The following THADA variants were observed in gnomAD, a reference collection of about 807,000 sequenced individuals.
The protein encoded by THADA is tRNA (32-2'-O)-methyltransferase regulator THADA.
THADA carries 213 observed loss-of-function variants against 219.8 expected under a neutral mutation model. That is an observed-to-expected ratio of 0.97 (90% CI 0.87 to 1.09). THADA has a LOEUF of 1.09. Ranked by LOEUF, THADA falls within the 50% of genes least tolerant of loss-of-function variation. THADA has a pLI of 0.00. For synonymous variants in THADA, 1,018 were observed against 828.9 expected (o/e 1.23, Z -3.92); for missense variants, 2,956 against 2,311.3 (o/e 1.28, Z -5.72).
chr2:43,506,828 A>G (rs1272268798), intron 23 of THADA, among the ~76,000 whole-genome samples: 1 of 152,204 alleles, frequency 6.6e-6, no homozygotes, highest in Admixed American at 6.5e-5. Context: ...GGCTCTCAAG[A>G]GTGAAAGTTA....
chr2:43,379,746 G>A (rs1671780843), intron 29 of THADA, among the ~76,000 whole-genome samples: 1 of 152,158 alleles, frequency 6.6e-6, no homozygotes, highest in Non-Finnish European at 1.5e-5. Flanking sequence ...TTACAAATAT[G>A]TATAGTACCT....
At chr2:43,414,351 C>T (rs930862855) in intron 28 of THADA, among the ~76,000 whole-genome samples, 5 of 152,166 alleles carry the variant, frequency 3.3e-5, no homozygotes, top group Non-Finnish European at 7.3e-5. Context: ...GGCCTTGATG[C>T]GTGGATATCT....
At chr2:43,527,271 A>T (rs907117364) in intron 22 of THADA, among the ~76,000 whole-genome samples, 1 of 152,230 alleles carries the variant, frequency 6.6e-6, no homozygotes, top group Non-Finnish European at 1.5e-5. Context: ...ACACTTAGTC[A>T]TTAAGTAATT....
intron 29 of THADA, among the ~76,000 whole-genome samples, chr2:43,360,278 C>A (rs1180862210): frequency 3.3e-5 from 5 of 152,186 alleles, no homozygotes; most frequent in Admixed American, 3.3e-4. Flanking sequence ...CCTATAGAGC[C>A]TTGCTGGAGT....
At chr2:43,543,826 G>A (rs1695649061) in intron 20 of THADA, among the ~76,000 whole-genome samples, 2 of 151,760 alleles carry the variant, frequency 1.3e-5, no homozygotes, top group Admixed American at 6.6e-5. Flanking sequence ...TAGGTTGCCT[G>A]TTCACTCTGA....
chr2:43,531,654 C>G (rs1379460653), intron 21 of THADA, among the ~76,000 whole-genome samples: 2 of 152,082 alleles, frequency 1.3e-5, no homozygotes, highest in Non-Finnish European at 2.9e-5. Context: ...GAAACAATTT[C>G]AAAATTTGAT....
At chr2:43,443,376 A>G (rs766037921) in intron 26 of THADA, among the ~76,000 whole-genome samples, 2 of 152,256 alleles carry the variant, frequency 1.3e-5, no homozygotes, top group Non-Finnish European at 2.9e-5. Flanking sequence ...TAATAAAATG[A>G]GTACCCTGCC....
chr2:43,442,351 G>A (rs1325742375), intron 26 of THADA, among the ~76,000 whole-genome samples: 3 of 152,092 alleles, frequency 2.0e-5, no homozygotes, highest in East Asian at 1.9e-4. Context: ...CAAGAGAATC[G>A]CTTGAACCCA....
chr2:43,295,918 G>GT (rs35182242), intron 31 of THADA, among the ~76,000 whole-genome samples: 1,872 of 128,330 alleles, frequency 0.015, 33 homozygotes, highest in Non-Finnish European at 0.019. Flanking sequence ...AACCTCTACT[G>GT]TTTTTTTTTT....
At chr2:43,344,970 T>A (rs1667479574) in intron 29 of THADA, among the ~76,000 whole-genome samples, 2 of 152,216 alleles carry the variant, frequency 1.3e-5, no homozygotes, top group African/African-American at 2.4e-5. Context: ...ATAAATGAGA[T>A]CTTTTGACCT....
Position 43,230,951 on chromosome 2 carries a change from A to G in THADA, c.5859T>C (p.Cys1953=), listed in dbSNP as rs762604546. ...ATCCCAATCCCCCAGATTTTCTTCAACATGCCGCTTCTGTTCTTGGAAGAG... is the reference window on the plus strand; with the variant it reads ...ATCCCAATCCCCCAGATTTTCTTCAGCATGCCGCTTCTGTTCTTGGAAGAG... ...QLTLPRTEAA[C] Residue 1953 remains cysteine, a synonymous_variant, in exon 38 of 38, where the codon TGT becomes TGC. Coordinates refer to ENST00000405975, the MANE Select transcript of THADA (RefSeq NM_022065.5). 4 of 1,602,462 alleles carry G rather than the reference A, an allele frequency of 2.5e-6. No individual in the cohort carries two copies. In the South Asian group the frequency reaches 3.3e-5, roughly 13 times the overall value.
At chr2:43,386,918 T>G (rs1385780666) in intron 29 of THADA, among the ~76,000 whole-genome samples, 1 of 139,718 alleles carries the variant, frequency 7.2e-6, no homozygotes, top group Non-Finnish European at 1.6e-5. Flanking sequence ...AAAAAAAGCA[T>G]AATTACTATC....
chr2:43,344,009 G>A, intron 30 of THADA, 113 bp downstream of exon 30: 1 of 729,280 alleles, frequency 1.4e-6, no homozygotes. Flanking sequence ...ACTCCAATAA[G>A]TTTAGAAAAC....
chr2:43,283,593 C>T (rs1488203829), intron 35 of THADA, among the ~76,000 whole-genome samples: 1 of 152,186 alleles, frequency 6.6e-6, no homozygotes, highest in Non-Finnish European at 1.5e-5. Flanking sequence ...TCTGCTTTAG[C>T]AAAGAGATTG....
At chr2:43,387,686 G>C (rs945125813) in intron 29 of THADA, among the ~76,000 whole-genome samples, 3 of 152,170 alleles carry the variant, frequency 2.0e-5, no homozygotes, top group Non-Finnish European at 2.9e-5. Context: ...AGGGGACATA[G>C]GGAAATGTCT....
intron 36 of THADA, among the ~76,000 whole-genome samples, chr2:43,264,154 A>G (rs1389618644): frequency 1.3e-5 from 2 of 152,032 alleles, no homozygotes. Context: ...TTTTTTTTAA[A>G]GCCCATGGTT....
At chr2:43,364,125 G>A (rs1399405962) in intron 29 of THADA, among the ~76,000 whole-genome samples, 1 of 152,138 alleles carries the variant, frequency 6.6e-6, no homozygotes, top group Non-Finnish European at 1.5e-5. Context: ...CAGGGAGGCT[G>A]AGGAGGGAGG....
Position 43,292,241 on chromosome 2 carries a change from C to T in THADA, c.4819-19G>A. On this transcript the variant is annotated intron_variant, in intron 32 of 37. Coordinates refer to ENST00000405975, the MANE Select transcript of THADA (RefSeq NM_022065.5). Reference sequence around the variant, plus strand: ...TCAGTATCTGTGTAAGCCAAATCCGCACACAAAAAAGAGAAATAAATACTC... The same window carrying T: ...TCAGTATCTGTGTAAGCCAAATCCGTACACAAAAAAGAGAAATAAATACTC... 6.7e-7 allele frequency: 1 copy of T among 1,486,706 alleles called. No individual in the cohort carries two copies. Among genetic ancestry groups the T allele is most frequent in the Non-Finnish European group, 9.2e-7 (1 of 1,092,750 alleles). 92.1% of individuals were successfully genotyped at this position (1,486,706 alleles called of 1,614,324 possible).
intron 29 of THADA, among the ~76,000 whole-genome samples, chr2:43,347,146 T>G (rs1178981077): frequency 3.3e-5 from 5 of 152,136 alleles, no homozygotes; most frequent in Non-Finnish European, 7.4e-5. Context: ...TGGAAGAGCA[T>G]GGATTTTGAA....
Sources: allele counts gnomAD v4.1 joint callset (sites outside exome capture counted in the v4.1 genomes callset), GRCh38; gene constraint gnomAD v4.1.1; transcripts MANE v1.5; gene names NCBI Gene and HGNC (gene_info 2026-07-23, HGNC 2026-07-21).